TRPC6: variants seen among roughly 807,000 people sequenced by gnomAD.
The protein encoded by TRPC6 is transient receptor potential cation channel subfamily C member 6.
TRPC6 carries 55 observed loss-of-function variants against 90.7 expected under a neutral mutation model. The observed-to-expected ratio is 0.61, with a 90% CI of 0.49 to 0.76. The LOEUF is 0.76. Among genes scored for constraint, TRPC6 ranks in the 30% least tolerant of loss-of-function variants. The pLI is 0.00. For missense variants in TRPC6, 989 were observed against 1,122.7 expected (o/e 0.88, Z 1.70); for synonymous variants, 393 against 393.0 (o/e 1.00, Z 0.00).
At chr11:101,501,078 A>AC in intron 2 of TRPC6, among the ~76,000 whole-genome samples, 1 of 143,738 alleles carries the variant, frequency 7.0e-6, no homozygotes, top group Non-Finnish European at 1.5e-5. Context: ...GAAAGGGAGC[A>AC]AAATACATAC....
In TRPC6 at chr11:101,491,749, C is replaced by G. The variant is rs1298929727; in HGVS notation, c.946-11G>C. 1.9e-6 allele frequency: 3 copies of G among 1,588,964 alleles called. No homozygotes were observed. Among genetic ancestry groups the G allele is most frequent in the Non-Finnish European group, 2.6e-6 (3 of 1,166,786 alleles). ...TTTTTTGTAGTCATTCTAGGAAAAA[C>G]AAAGCAAAACAAAAGCAATAATGGA... On this transcript the variant is annotated splice_polypyrimidine_tract_variant and intron_variant, in intron 2 of 12. Transcript: ENST00000344327.
Position 101,504,633 on chromosome 11 carries a change from T to G in TRPC6, c.336A>C (p.Pro112=), listed in dbSNP as rs201818043. Residue 112 remains proline (P), a synonymous_variant, in exon 2 of 13, where the codon CCA becomes CCC. Transcript: ENST00000344327. ...ATTCTTCTAACATCTTCCGCACCAC[T>G]GGGATGTTACCATATTCAGCTGCAT... is the stretch of plus-strand genomic sequence containing the variant. ...FLDAAEYGNI[P]VVRKMLEECH... 350 of 1,612,194 alleles carry G rather than the reference T, an allele frequency of 2.2e-4. 9 individuals are homozygous for G. In the South Asian group the frequency reaches 3.6e-3, roughly 16 times the overall value.
chr11:101,528,933 C>G (rs1157093711), intron 1 of TRPC6, among the ~76,000 whole-genome samples: 1 of 152,154 alleles, frequency 6.6e-6, no homozygotes, highest in Admixed American at 6.5e-5. Flanking sequence ...GCCATATATT[C>G]TGGAAAATTC....
Position 101,452,374 on chromosome 11 carries a change from G to A in TRPC6, c.*581C>T, listed in dbSNP as rs1053249644. The A allele has an allele frequency of 6.5e-6, 1 of 154,174 alleles. No homozygotes were observed. The highest frequency in any genetic ancestry group is 6.4e-5 in the Admixed American group (1 of 15,720). The allele number at this position is 154,174 out of a possible 1,614,324, so 9.6% of individuals were successfully genotyped here. On this transcript the variant is annotated 3_prime_UTR_variant, in exon 13 of 13. Transcript: ENST00000344327. ...TTAAGTGTAATGTTTTCAAATAGAT[G>A]AATCAGAAAATTTTACATAGATGTA...
intron 2 of TRPC6, among the ~76,000 whole-genome samples, chr11:101,495,308 T>A (rs541371549): frequency 4.6e-5 from 7 of 152,212 alleles, no homozygotes; most frequent in Admixed American, 6.5e-5. Context: ...CTGGCTCTTC[T>A]TTCTATATAA....
chr11:101,491,688 G>C lies in TRPC6; in HGVS notation c.996C>G (p.Leu332=), dbSNP rs200144852. ...CTTCAGTGTTTCTGCACAGATCAAG[G>C]AGTCCAACAACAAAGTCTTTGCACT... ...SMQCKDFVVG[L]LDLCRNTEEV... Residue 332 remains leucine (L), a synonymous_variant, in exon 3 of 13, where the codon CTC becomes CTG. Coordinates refer to ENST00000344327, the MANE Select transcript of TRPC6 (RefSeq NM_004621.6). 6 of 1,613,974 alleles carry C rather than the reference G, an allele frequency of 3.7e-6. No individual in the cohort carries two copies. Among genetic ancestry groups the C allele is most frequent in the Non-Finnish European group, 4.2e-6 (5 of 1,179,990 alleles).
chr11:101,555,148 G>C (rs1255890852), intron 1 of TRPC6, among the ~76,000 whole-genome samples: 1 of 152,184 alleles, frequency 6.6e-6, no homozygotes, highest in East Asian at 1.9e-4. Context: ...CTCTTGTGAA[G>C]TGTACATTCA....
At chr11:101,547,281 T>G (rs1172041299) in intron 1 of TRPC6, among the ~76,000 whole-genome samples, 1 of 152,178 alleles carries the variant, frequency 6.6e-6, no homozygotes, top group African/African-American at 2.4e-5. Context: ...TTAATGTTCC[T>G]TTTCTTTCAC....
Position 101,504,724 on chromosome 11 carries a change from C to A in TRPC6, c.245G>T (p.Arg82Leu). The A allele has an allele frequency of 6.3e-7, 1 of 1,594,826 alleles. No homozygotes were observed. Residue 82 changes from arginine (R) to leucine (L), a missense_variant, in exon 2 of 13, where the codon CGA becomes CTA. Coordinates refer to ENST00000344327, the MANE Select transcript of TRPC6 (RefSeq NM_004621.6). ...LREKGRRLANRGPAYMFSDRS... is the reference protein window; with the variant it reads ...LREKGRRLANLGPAYMFSDRS... ...ATCACTAAACATGTATGCTGGTCCT[C>A]GATTAGCTAACCTTCTCCCCTTCTC...
At chr11:101,547,495 CTTCTTGG>C (rs1861334195) in intron 1 of TRPC6, among the ~76,000 whole-genome samples, 1 of 151,054 alleles carries the variant, frequency 6.6e-6, no homozygotes, top group South Asian at 2.1e-4. Flanking sequence ...TTCCCAAAAC[CTTCTTGG>C]TTCAAACTAA....
chr11:101,519,887 TCTGA>T (rs2136775296), intron 1 of TRPC6: 1 of 153,274 alleles, frequency 6.5e-6, no homozygotes, highest in African/African-American at 2.4e-5. Flanking sequence ...CTCTTAACTC[TCTGA>T]CTCCCTCACT....
At chr11:101,581,643 C>T (rs1302266709) in intron 1 of TRPC6, among the ~76,000 whole-genome samples, 1 of 152,192 alleles carries the variant, frequency 6.6e-6, no homozygotes, top group Non-Finnish European at 1.5e-5. Flanking sequence ...AAAATTCCAT[C>T]TATGTCTTAA....
intron 1 of TRPC6, among the ~76,000 whole-genome samples, chr11:101,579,696 G>T (rs1203590577): frequency 6.6e-6 from 1 of 152,202 alleles, no homozygotes; most frequent in Non-Finnish European, 1.5e-5. Context: ...CTCAAGGGGA[G>T]TGTTCTTTTC....
At chr11:101,474,545 C>T (rs1859369230) in intron 6 of TRPC6, among the ~76,000 whole-genome samples, 1 of 152,056 alleles carries the variant, frequency 6.6e-6, no homozygotes, top group Non-Finnish European at 1.5e-5. Flanking sequence ...CTAATAAAAG[C>T]AGTTTCCTTT....
chr11:101,536,852 T>G (rs1295215795), intron 1 of TRPC6, among the ~76,000 whole-genome samples: 1 of 152,122 alleles, frequency 6.6e-6, no homozygotes, highest in Non-Finnish European at 1.5e-5. Context: ...ATCTGAGGAA[T>G]AGATGGGAGG....
chr11:101,520,751 T>C (rs1260249264), intron 1 of TRPC6, among the ~76,000 whole-genome samples: 2 of 152,186 alleles, frequency 1.3e-5, no homozygotes, highest in Non-Finnish European at 2.9e-5. Context: ...TATTGAGAAC[T>C]GGAGTAAAGG....
intron 1 of TRPC6, among the ~76,000 whole-genome samples, chr11:101,529,581 T>A (rs999550883): frequency 2.0e-5 from 3 of 152,226 alleles, no homozygotes; most frequent in African/African-American, 7.2e-5. Context: ...CAGAATTTGA[T>A]AATCTTGGAA....
chr11:101,468,829 G>A (rs1565205518), intron 10 of TRPC6, among the ~76,000 whole-genome samples: 2 of 152,182 alleles, frequency 1.3e-5, no homozygotes, highest in Non-Finnish European at 2.9e-5. Flanking sequence ...CTGATACATT[G>A]CCCTTTTCCT....
intron 4 of TRPC6, among the ~76,000 whole-genome samples, chr11:101,483,836 A>G (rs180893553): frequency 1.3e-5 from 2 of 152,310 alleles, no homozygotes; most frequent in Admixed American, 6.5e-5. Flanking sequence ...TTCCTAAATT[A>G]TGTGAAAACC....
Sources: gnomAD v4.1 joint callset for allele counts (sites outside exome capture counted in the v4.1 genomes callset) on GRCh38, gnomAD v4.1.1 for gene constraint, MANE v1.5 for transcripts, NCBI Gene and HGNC (gene_info 2026-07-23, HGNC 2026-07-21) for gene names.